The following ACVR1B variants were observed in gnomAD, a reference collection of about 807,000 sequenced individuals.
The protein encoded by ACVR1B is activin receptor type-1B.
In ACVR1B, 15 loss-of-function variants were observed where a neutral mutation model predicts 55.6. The ratio of observed to expected loss-of-function variants is 0.27; its 90% CI spans 0.18 to 0.42. ACVR1B has a LOEUF of 0.42. Among genes scored for constraint, ACVR1B ranks in the 10% least tolerant of loss-of-function variants. The pLI, the probability that ACVR1B is intolerant of heterozygous loss-of-function variation, is 1.00. For synonymous variants in ACVR1B, 247 were observed against 254.6 expected (o/e 0.97, Z 0.28); for missense variants, 359 against 670.1 (o/e 0.54, Z 5.13).
intron 3 of ACVR1B, among the ~76,000 whole-genome samples, chr12:51,977,457 C>T (rs1299973657): frequency 1.3e-5 from 2 of 152,044 alleles, no homozygotes; most frequent in Non-Finnish European, 2.9e-5. Context: ...GCCACCACAG[C>T]GACTAATTTT....
At chr12:51,986,550 G>A (rs899315818) in intron 6 of ACVR1B, among the ~76,000 whole-genome samples, 4 of 152,176 alleles carry the variant, frequency 2.6e-5, no homozygotes, top group Admixed American at 6.5e-5. Context: ...GTGAGCCACC[G>A]CACCTGGCCA....
intron 1 of ACVR1B, among the ~76,000 whole-genome samples, chr12:51,954,209 G>A (rs1565607612): frequency 6.6e-6 from 1 of 152,194 alleles, no homozygotes; most frequent in Non-Finnish European, 1.5e-5. Flanking sequence ...GGGGCAGTAA[G>A]GGATAGGTGT....
At chr12:51,956,651 G>A (rs2120429483) in intron 1 of ACVR1B, among the ~76,000 whole-genome samples, 1 of 152,318 alleles carries the variant, frequency 6.6e-6, no homozygotes, top group South Asian at 2.1e-4. Flanking sequence ...TTGTAGAACT[G>A]AATTACCAAA....
intron 1 of ACVR1B, among the ~76,000 whole-genome samples, chr12:51,957,392 G>A (rs1317228868): frequency 4.0e-5 from 6 of 150,880 alleles, no homozygotes; most frequent in Admixed American, 6.6e-5. Flanking sequence ...TGCAGTGAGC[G>A]GAGACTGCGC....
At chr12:51,984,216 C>T (rs778837432) in intron 5 of ACVR1B, 50 bp downstream of exon 5, 21 of 1,601,088 alleles carry the variant, frequency 1.3e-5, no homozygotes, top group African/African-American at 8.0e-5. Context: ...ATGAAAGGTC[C>T]GCAGTGTCCT....
rs2120771532 is a variant in ACVR1B, at chr12:51,993,932, G to C, written c.1393-53G>C. 2.5e-6 allele frequency: 4 copies of C among 1,604,628 alleles called. No homozygotes were observed. In the South Asian group the frequency reaches 4.4e-5, roughly 18 times the overall value. Reference sequence around the variant, plus strand: ...GAAATGAGTGAGAGCCTAGGGACCAGAAAGGCTTCTCCAGGGCATGACCGA... The same window carrying C: ...GAAATGAGTGAGAGCCTAGGGACCACAAAGGCTTCTCCAGGGCATGACCGA... On this transcript the variant is annotated intron_variant, in intron 8 of 8. Coordinates refer to ENST00000257963, the MANE Select transcript of ACVR1B (RefSeq NM_004302.5).
intron 4 of ACVR1B, among the ~76,000 whole-genome samples, chr12:51,983,763 G>A (rs1942026394): frequency 6.6e-6 from 1 of 152,190 alleles, no homozygotes; most frequent in Admixed American, 6.5e-5. Flanking sequence ...TCACCTAAAG[G>A]AAATCAGGAG....
chr12:51,967,114 C>T (rs1941656722), intron 1 of ACVR1B, among the ~76,000 whole-genome samples: 1 of 151,974 alleles, frequency 6.6e-6, no homozygotes, highest in Admixed American at 6.6e-5. Flanking sequence ...GTGGCAGGCG[C>T]CTGTAGTCCC....
At chr12:51,993,961 G>C in intron 8 of ACVR1B, 24 bp from the exon 9 acceptor site, 1 of 1,613,152 alleles carries the variant, frequency 6.2e-7, no homozygotes, top group Non-Finnish European at 8.5e-7. Context: ...TGACCGAGCT[G>C]ATGGCTCCTG....
intron 4 of ACVR1B, chr12:51,982,864 T>C (rs1942006503): frequency 2.8e-6 from 4 of 1,421,752 alleles, no homozygotes; most frequent in Non-Finnish European, 3.7e-6. Context: ...ATCTTATATG[T>C]TTTAAAAGGA....
At chr12:51,990,899 G>A (rs1335840560) in intron 7 of ACVR1B, among the ~76,000 whole-genome samples, 1 of 152,158 alleles carries the variant, frequency 6.6e-6, no homozygotes, top group Non-Finnish European at 1.5e-5. Context: ...CCTATGAATT[G>A]GTAGTTAGAT....
intron 1 of ACVR1B, among the ~76,000 whole-genome samples, chr12:51,962,574 G>A (rs1156520602): frequency 1.3e-5 from 2 of 151,846 alleles, no homozygotes; most frequent in African/African-American, 4.8e-5. Flanking sequence ...TTCTATTTAG[G>A]CTAGTTAGAA....
intron 3 of ACVR1B, 42 bp downstream of exon 3, chr12:51,976,617 A>G (rs1166829686): frequency 1.2e-6 from 2 of 1,606,616 alleles, no homozygotes; most frequent in Middle Eastern, 2.2e-4. Flanking sequence ...GTTGGCTTTC[A>G]TCAGTTTCCC....
chr12:51,962,588 T>C (rs1022771990), intron 1 of ACVR1B, among the ~76,000 whole-genome samples: 4 of 152,226 alleles, frequency 2.6e-5, no homozygotes, highest in African/African-American at 9.6e-5. Flanking sequence ...GTTAGAACTT[T>C]GCTAGTACAG....
intron 6 of ACVR1B, 83 bp downstream of exon 6, chr12:51,985,431 AGGAGGTGTTG>A: frequency 6.8e-7 from 1 of 1,481,480 alleles, no homozygotes; most frequent in Admixed American, 2.3e-5. Flanking sequence ...GCGCAGGAGA[AGGAGGTGTTG>A]AAAAAGGAGG....
chr12:51,985,197 C>T lies in ACVR1B; in HGVS notation c.985C>T (p.Pro329Ser), dbSNP rs2120700190. Residue 329 changes from proline to serine, a missense_variant, in exon 6 of 9, where the codon CCT (proline) becomes TCT (serine). Physicochemically the swap from Pro to Ser is moderately conservative, Grantham distance 74. This residue lies in a region of ACVR1B where 119 missense variants were observed against 340.2 expected (regional missense o/e 0.35). Coordinates refer to ENST00000257963, the MANE Select transcript of ACVR1B (RefSeq NM_004302.5). ...CCTGTTTTTTTCTCTGCCAGGGAAG[C>T]CTGGAATTGCTCATCGAGACTTAAA... is the stretch of plus-strand genomic sequence containing the variant. ...HMEIVGTQGK[P>S]GIAHRDLKSK... 2 of 1,608,152 alleles carry T rather than the reference C, an allele frequency of 1.2e-6. No individual in the cohort carries two copies. Among genetic ancestry groups the T allele is most frequent in the Non-Finnish European group, 1.7e-6 (2 of 1,177,748 alleles).
intron 1 of ACVR1B, among the ~76,000 whole-genome samples, chr12:51,973,166 A>C (rs1358134457): frequency 1.3e-5 from 2 of 152,240 alleles, no homozygotes; most frequent in Non-Finnish European, 2.9e-5. Flanking sequence ...AGTATCTGGA[A>C]GCAGAGGCTC....
intron 8 of ACVR1B, among the ~76,000 whole-genome samples, chr12:51,992,761 T>G (rs1942218331): frequency 6.6e-6 from 1 of 152,036 alleles, no homozygotes. Context: ...ATGACAGGGC[T>G]GGGATTGGGA....
chr12:51,967,097 G>A (rs143229536), intron 1 of ACVR1B, among the ~76,000 whole-genome samples: 3,365 of 151,940 alleles, frequency 0.022, 109 homozygotes, highest in African/African-American at 0.068. Context: ...AAAATTAGCC[G>A]GACGTGGTGG....
Sources: gnomAD v4.1 joint callset for allele counts (sites outside exome capture counted in the v4.1 genomes callset) on GRCh38, gnomAD v4.1.1 for gene constraint, gnomAD v4.1.1 regional missense constraint, MANE v1.5 for transcripts, NCBI Gene and HGNC (gene_info 2026-07-23, HGNC 2026-07-21) for gene names.